The following PIWIL1 variants were observed in gnomAD, a reference collection of about 807,000 sequenced individuals.
PIWIL1 encodes piwi like RNA-mediated gene silencing 1.
In PIWIL1, 73 loss-of-function variants were observed where a neutral mutation model predicts 114.4. The observed-to-expected ratio is 0.64, with a 90% CI of 0.53 to 0.78. The LOEUF (loss-of-function observed/expected upper bound fraction) is 0.78. Ranked by LOEUF, PIWIL1 falls within the 30% of genes least tolerant of loss-of-function variation. PIWIL1 has a pLI of 0.00. For synonymous variants in PIWIL1, 375 were observed against 369.0 expected (o/e 1.02, Z -0.19); for missense variants, 723 against 1,063.1 (o/e 0.68, Z 4.45).
chr12:130,388,238 C>T, the PIWIL1 span, among the ~76,000 whole-genome samples: 3 of 152,252 alleles, frequency 2.0e-5, no homozygotes, highest in East Asian at 1.9e-4. Flanking sequence ...CTCAGCCTCC[C>T]GAGTAGCTGG....
the PIWIL1 span, chr12:130,424,439 G>A: frequency 3.7e-5 from 46 of 1,232,398 alleles, no homozygotes; most frequent in Non-Finnish European, 4.7e-5. This position sits in a 1 kb window ranked among gnomAD's most constrained non-coding sequence, Gnocchi z 9.8. Flanking sequence ...AGTGACCAGG[G>A]CCTGGGCTGC....
At chr12:130,342,558 T>G (rs567033671) in intron 1 of PIWIL1, 22 bp from the exon 2 acceptor site, 81 of 1,451,514 alleles carry the variant, frequency 5.6e-5, no homozygotes, top group Middle Eastern at 5.2e-4. Context: ...GAGTATTGTC[T>G]TCAAGATTGT....
At chr12:130,415,740 A>C in the PIWIL1 span, among the ~76,000 whole-genome samples, 1 of 152,184 alleles carries the variant, frequency 6.6e-6, no homozygotes, top group Non-Finnish European at 1.5e-5. Flanking sequence ...TAAGGCATCC[A>C]TATAGGAAAT....
the PIWIL1 span, among the ~76,000 whole-genome samples, chr12:130,417,078 T>C: frequency 6.6e-6 from 1 of 151,686 alleles, no homozygotes; most frequent in Admixed American, 6.6e-5. Flanking sequence ...GATTAAAAAG[T>C]CAAAAAATAG....
intron 11 of PIWIL1, 32 bp from the exon 12 acceptor site, chr12:130,355,521 T>C: frequency 6.9e-7 from 1 of 1,441,396 alleles, no homozygotes; most frequent in Non-Finnish European, 9.8e-7. Flanking sequence ...TGTCTCTTTG[T>C]TGAGTCGCAT....
Position 130,346,532 on chromosome 12 carries a change from G to A in PIWIL1, c.479G>A (p.Cys160Tyr), listed in dbSNP as rs755136229. The A allele has an allele frequency of 3.1e-6, 5 of 1,614,126 alleles. No individual in the cohort carries two copies. Among genetic ancestry groups the A allele is most frequent in the Non-Finnish European group, 8.5e-7 (1 of 1,180,000 alleles). ...LFQHEDLIGK[C>Y]HAFDGTILFL... ...CAACACGAAGATCTAATTGGAAAGT[G>A]TCATGCTTTTGATGGAACGATATTA... is the stretch of plus-strand genomic sequence containing the variant. The change falls in exon 5 of 21, where the codon TGT becomes TAT. Residue 160 changes from cysteine to tyrosine, a missense_variant. Around this residue, in one of 8 missense-constraint regions of PIWIL1, gnomAD observed 190 missense variants for 294.4 expected, o/e 0.65. Transcript: ENST00000245255.
the PIWIL1 span, among the ~76,000 whole-genome samples, chr12:130,421,912 A>G: frequency 6.6e-6 from 1 of 152,240 alleles, no homozygotes; most frequent in South Asian, 2.1e-4. Flanking sequence ...CAGGAAGAGA[A>G]TGGAAACGGA....
the PIWIL1 span, among the ~76,000 whole-genome samples, chr12:130,415,033 C>G: frequency 6.6e-6 from 1 of 152,168 alleles, no homozygotes; most frequent in African/African-American, 2.4e-5. Context: ...GGAGAAAGGA[C>G]TCCACCCTAA....
the PIWIL1 span, among the ~76,000 whole-genome samples, chr12:130,390,731 T>C: frequency 6.6e-6 from 1 of 152,232 alleles, no homozygotes; most frequent in Non-Finnish European, 1.5e-5. Context: ...TTGTTCCCTC[T>C]CTTTCTGCTC....
chr12:130,371,892 G>C lies in PIWIL1; in HGVS notation c.*294G>C, dbSNP rs2073824789. 5.4e-6 allele frequency: 1 copy of C among 185,392 alleles called. No homozygotes were observed. The allele number at this position is 185,392 out of a possible 1,614,324, so 11.5% of individuals were successfully genotyped here. On this transcript the variant is annotated 3_prime_UTR_variant, in exon 21 of 21. Coordinates refer to ENST00000245255, the MANE Select transcript of PIWIL1 (RefSeq NM_004764.5). ...TGGTAGTATAAAACAGACTCTCTGA[G>C]AGTATTTGAAATGTGTTTGGAGATT... is the stretch of plus-strand genomic sequence containing the variant.
intron 3 of PIWIL1, among the ~76,000 whole-genome samples, chr12:130,344,551 G>T (rs935204346): frequency 8.5e-5 from 13 of 152,206 alleles, no homozygotes; most frequent in African/African-American, 3.1e-4. Context: ...AGTATAGCAA[G>T]GACTGAAATA....
chr12:130,369,620 G>T (rs2073764458), intron 19 of PIWIL1, among the ~76,000 whole-genome samples: 1 of 152,104 alleles, frequency 6.6e-6, no homozygotes, highest in Admixed American at 6.6e-5. Flanking sequence ...TTGTGGTTTT[G>T]ATTTGCATTT....
At chr12:130,353,704 A>T (rs2073283387) in intron 9 of PIWIL1, among the ~76,000 whole-genome samples, 1 of 152,154 alleles carries the variant, frequency 6.6e-6, no homozygotes, top group Non-Finnish European at 1.5e-5. Context: ...AGGCAGGCAG[A>T]TCACCTGAGG....
chr12:130,391,246 C>T, the PIWIL1 span, among the ~76,000 whole-genome samples: 2 of 152,240 alleles, frequency 1.3e-5, no homozygotes, highest in Non-Finnish European at 2.9e-5. Context: ...GCCTTCTCAC[C>T]GTCTCCGCTT....
At chr12:130,384,436 A>G in the PIWIL1 span, among the ~76,000 whole-genome samples, 6 of 152,220 alleles carry the variant, frequency 3.9e-5, no homozygotes, top group East Asian at 1.2e-3. Flanking sequence ...TGCTCTGAAT[A>G]CATGCCAGAT....
chr12:130,373,310 C>A (rs976062428), downstream of PIWIL1, among the ~76,000 whole-genome samples: 4 of 152,092 alleles, frequency 2.6e-5, no homozygotes, highest in African/African-American at 9.7e-5. Context: ...ATTTTGGTGG[C>A]TAGTCAGTTA....
chr12:130,340,592 C>T (rs1381524891), intron 1 of PIWIL1, among the ~76,000 whole-genome samples: 1 of 122,738 alleles, frequency 8.1e-6, no homozygotes, highest in Admixed American at 1.0e-4. Flanking sequence ...GGCCTGGTTC[C>T]GGTACAGGTC....
At chr12:130,421,540 T>C in the PIWIL1 span, among the ~76,000 whole-genome samples, 1 of 152,216 alleles carries the variant, frequency 6.6e-6, no homozygotes, top group African/African-American at 2.4e-5. Context: ...ACCAATGGCC[T>C]TTTAAACTTC....
At chr12:130,366,866 G>T (rs957614963) in intron 18 of PIWIL1, among the ~76,000 whole-genome samples, 1 of 152,142 alleles carries the variant, frequency 6.6e-6, no homozygotes, top group African/African-American at 2.4e-5. Context: ...GGTGTGATTG[G>T]TATGTAATGT....
Sources: gnomAD v4.1 joint callset for allele counts (sites outside exome capture counted in the v4.1 genomes callset) on GRCh38, gnomAD v4.1.1 for gene constraint, gnomAD v4.1.1 regional missense constraint, Gnocchi (gnomAD v3.1) non-coding constraint, MANE v1.5 for transcripts, NCBI Gene and HGNC (gene_info 2026-07-23, HGNC 2026-07-21) for gene names.